Variants in CADM2 observed in about 807,000 individuals in gnomAD.
CADM2 encodes cell adhesion molecule 2, also known as immunoglobulin superfamily member 4D.
Under a neutral mutation model 49.8 loss-of-function variants are expected in CADM2, and 12 were observed. The observed-to-expected ratio is 0.24, with a 90% CI of 0.15 to 0.39. The LOEUF (loss-of-function observed/expected upper bound fraction) is 0.39. CADM2 is among the 10% of genes least tolerant of loss of function. The pLI is 1.00. For synonymous variants in CADM2, 214 were observed against 175.4 expected, an observed-to-expected ratio of 1.22 and a Z score of -1.74; for missense variants, 378 against 492.3, an observed-to-expected ratio of 0.77 and a Z score of 2.20.
intron 2 of CADM2, among the ~76,000 whole-genome samples, chr3:85,756,920 A>G (rs575530491): frequency 6.6e-6 from 1 of 152,194 alleles, no homozygotes; most frequent in African/African-American, 2.4e-5. Flanking sequence ...CCTGCACAGT[A>G]GAAGGAGTGA....
intron 1 of CADM2, among the ~76,000 whole-genome samples, chr3:85,090,647 G>A (rs111412178): frequency 0.016 from 2,375 of 152,222 alleles, 30 homozygotes; most frequent in Middle Eastern, 0.031. Context: ...GGACCTTACC[G>A]GTCAGTGGCC....
intron 1 of CADM2, among the ~76,000 whole-genome samples, chr3:85,352,834 GT>G (rs1374723593): frequency 3.9e-5 from 6 of 152,032 alleles, no homozygotes; most frequent in Admixed American, 1.3e-4. Flanking sequence ...TATCCATGTG[GT>G]TCTGGTTATT....
chr3:85,037,010 A>G (rs1348587563), intron 1 of CADM2, among the ~76,000 whole-genome samples: 1 of 151,296 alleles, frequency 6.6e-6, no homozygotes, highest in Non-Finnish European at 1.5e-5. Flanking sequence ...AAAAAAAAAA[A>G]AAAAAAAAAC....
At chr3:85,612,458 T>C (rs987802413) in intron 1 of CADM2, among the ~76,000 whole-genome samples, 1 of 151,846 alleles carries the variant, frequency 6.6e-6, no homozygotes, top group African/African-American at 2.4e-5. Flanking sequence ...CTATTACTGA[T>C]ACTATTAATA....
intron 1 of CADM2, among the ~76,000 whole-genome samples, chr3:85,359,750 A>G (rs1576415382): frequency 6.8e-6 from 1 of 146,124 alleles, no homozygotes; most frequent in Non-Finnish European, 1.5e-5. Context: ...AGTTGAGAAA[A>G]CAATGTTTCA....
intron 2 of CADM2, among the ~76,000 whole-genome samples, chr3:85,790,546 G>T (rs1395579888): frequency 6.6e-6 from 1 of 152,172 alleles, no homozygotes; most frequent in African/African-American, 2.4e-5. Context: ...TAAATCTGAA[G>T]GAGCCTTTTG....
At chr3:86,021,206 G>T (rs1205203068) in intron 8 of CADM2, among the ~76,000 whole-genome samples, 1 of 152,036 alleles carries the variant, frequency 6.6e-6, no homozygotes, top group Non-Finnish European at 1.5e-5. Context: ...TGCCATGTTG[G>T]CCAGGCTGGT....
chr3:85,502,713 A>G (rs1325472541), intron 1 of CADM2, among the ~76,000 whole-genome samples: 1 of 152,154 alleles, frequency 6.6e-6, no homozygotes, highest in Admixed American at 6.5e-5. Context: ...TGACAAATGT[A>G]CTTGATCACT....
At chr3:85,338,784 C>T (rs757027800) in intron 1 of CADM2, among the ~76,000 whole-genome samples, 1 of 151,364 alleles carries the variant, frequency 6.6e-6, no homozygotes, top group Non-Finnish European at 1.5e-5. Context: ...ATAAAAGTCA[C>T]CAAATTTTGG....
intron 1 of CADM2, among the ~76,000 whole-genome samples, chr3:85,155,640 T>G (rs1374975777): frequency 2.0e-5 from 3 of 151,880 alleles, no homozygotes; most frequent in Admixed American, 6.6e-5. Flanking sequence ...AATATACATT[T>G]TTTTCAGCAC....
At chr3:85,974,442 T>C (rs899324102) in intron 8 of CADM2, among the ~76,000 whole-genome samples, 8 of 151,664 alleles carry the variant, frequency 5.3e-5, no homozygotes, top group Admixed American at 2.6e-4. Flanking sequence ...AAGCCAGACA[T>C]GTATCCTATG....
chr3:85,688,184 T>C (rs1010516787), intron 1 of CADM2, among the ~76,000 whole-genome samples: 16 of 152,174 alleles, frequency 1.1e-4, no homozygotes, highest in Admixed American at 1.3e-4. Flanking sequence ...CCAATAGTTA[T>C]ACAACATAGT....
chr3:85,896,136 T>A (rs527500513), intron 5 of CADM2, among the ~76,000 whole-genome samples: 1 of 152,094 alleles, frequency 6.6e-6, no homozygotes, highest in Admixed American at 6.5e-5. Flanking sequence ...ACAAAAAATT[T>A]AAAAATTAGC....
intron 2 of CADM2, among the ~76,000 whole-genome samples, chr3:85,756,099 A>G (rs1414112032): frequency 6.6e-6 from 1 of 152,106 alleles, no homozygotes; most frequent in Non-Finnish European, 1.5e-5. Context: ...AGACATGCCT[A>G]TGGCTCAGAA....
chr3:85,700,345 G>T (rs537953262), intron 1 of CADM2, among the ~76,000 whole-genome samples: 12 of 152,226 alleles, frequency 7.9e-5, no homozygotes, highest in East Asian at 1.9e-4. Context: ...GGGGATGGGG[G>T]ACTAGGGGAG....
At chr3:85,769,241 TATATACATATATA>T (rs768566914) in intron 2 of CADM2, among the ~76,000 whole-genome samples, 1,188 of 118,292 alleles carry the variant, frequency 0.01, 28 homozygotes, top group Non-Finnish European at 0.014. Flanking sequence ...CATATACACA[TATATACATATATA>T]GTATATATAC....
chr3:85,753,926 G>A (rs1190917353), intron 2 of CADM2, among the ~76,000 whole-genome samples: 1 of 152,150 alleles, frequency 6.6e-6, no homozygotes, highest in Non-Finnish European at 1.5e-5. Context: ...CAACCTGAGA[G>A]ATTCAAGTGT....
chr3:85,162,777 A>G (rs2040365497), intron 1 of CADM2, among the ~76,000 whole-genome samples: 1 of 151,958 alleles, frequency 6.6e-6, no homozygotes, highest in Admixed American at 6.6e-5. Flanking sequence ...ATTACACAAC[A>G]GAAATATTTT....
At chr3:85,314,074 G>T (rs1428346876) in intron 1 of CADM2, among the ~76,000 whole-genome samples, 1 of 152,114 alleles carries the variant, frequency 6.6e-6, no homozygotes, top group African/African-American at 2.4e-5. Flanking sequence ...ATTTTTAGTA[G>T]AGACGGAGTT....
Sources: gnomAD v4.1 joint callset for allele counts (sites outside exome capture counted in the v4.1 genomes callset) on GRCh38, gnomAD v4.1.1 for gene constraint, MANE v1.5 for transcripts, NCBI Gene and HGNC (gene_info 2026-07-23, HGNC 2026-07-21) for gene names.